The following PCDHGA7 variants were observed in gnomAD, a reference collection of about 807,000 sequenced individuals.
The protein encoded by PCDHGA7 is protocadherin gamma-A7.
A neutral mutation model predicts 58.3 loss-of-function variants in PCDHGA7; 44 were observed. The observed-to-expected ratio is 0.75, with a 90% CI of 0.59 to 0.97. PCDHGA7 has a LOEUF of 0.97. PCDHGA7 is among the 50% of genes least tolerant of loss of function. The probability of loss-of-function intolerance (pLI) is 0.00; values close to 1 mark genes in which losing one functional copy is unlikely to be tolerated. For synonymous variants in PCDHGA7, 516 were observed against 504.2 expected (o/e 1.02, Z -0.31); for missense variants, 1,266 against 1,188.7 (o/e 1.06, Z -0.96).
At chr5:141,429,196 A>ACACACT in intron 1 of PCDHGA7, 1 of 151,994 alleles carries the variant, frequency 6.6e-6, no homozygotes, top group Non-Finnish European at 1.5e-5. Context: ...ACACACACAC[A>ACACACT]CACACACACG....
At chr5:141,399,854 GC>G (rs1416380474) in intron 1 of PCDHGA7, 1 of 1,612,786 alleles carries the variant, frequency 6.2e-7, no homozygotes, top group Admixed American at 1.7e-5. Context: ...ATGGTGCCGC[GC>G]GCTGCAGAGC....
intron 1 of PCDHGA7, among the ~76,000 whole-genome samples, chr5:141,480,895 A>G (rs1275670492): frequency 6.6e-6 from 1 of 152,048 alleles, no homozygotes; most frequent in African/African-American, 2.4e-5. Flanking sequence ...AAATGCAAAC[A>G]TTAGCTGGGC....
chr5:141,469,992 G>T (rs894673835), intron 1 of PCDHGA7, among the ~76,000 whole-genome samples: 2 of 152,056 alleles, frequency 1.3e-5, no homozygotes, highest in Non-Finnish European at 2.9e-5. Context: ...TTAGCTGGTC[G>T]TCGTGGCACG....
intron 1 of PCDHGA7, chr5:141,399,794 C>T (rs2093888579): frequency 1.9e-6 from 3 of 1,613,268 alleles, no homozygotes; most frequent in Middle Eastern, 1.7e-4. Flanking sequence ...GACAACGCAC[C>T]GCGGGTGCTG....
At chr5:141,399,927 G>A (rs918358571) in intron 1 of PCDHGA7, 7 of 1,612,226 alleles carry the variant, frequency 4.3e-6, no homozygotes, top group Non-Finnish European at 5.1e-6. Flanking sequence ...ACGCCTGGCT[G>A]TCCTACCACG....
At chr5:141,498,881 T>C (rs9686648) in intron 2 of PCDHGA7, among the ~76,000 whole-genome samples, 77,838 of 149,554 alleles carry the variant, frequency 0.52, 20,828 homozygotes, top group African/African-American at 0.65. Flanking sequence ...TGCAGTGAGC[T>C]GAGATCACAC....
chr5:141,453,465 A>G (rs1167340749), intron 1 of PCDHGA7, among the ~76,000 whole-genome samples: 2 of 152,098 alleles, frequency 1.3e-5, no homozygotes, highest in African/African-American at 4.8e-5. Flanking sequence ...AAACATTAAC[A>G]TAAAGTCAAA....
rs761149166 is a variant in PCDHGA7 at position 141,510,977 on chromosome 5, G to C, written c.2603G>C (p.Gly868Ala). Residue 868 changes from glycine to alanine, a missense_variant, in exon 4 of 4, where the codon GGG (glycine) becomes GCG (alanine). Coordinates refer to ENST00000518325, the MANE Select transcript of PCDHGA7 (RefSeq NM_018920.4). Reference protein sequence around the residue: ...EAADGSSTLGGGAGTMGLSAR... With the variant: ...EAADGSSTLGAGAGTMGLSAR... ...GCTGATGGGAGCTCCACCCTGGGAG[G>C]GGGTGCCGGCACCATGGGATTGAGC... 9 of 1,614,052 alleles carry C rather than the reference G, an allele frequency of 5.6e-6. No individual in the cohort carries two copies. The Admixed American group carries it at 1.3e-4, about 24-fold the overall frequency.
intron 1 of PCDHGA7, chr5:141,409,837 C>T (rs182654621): frequency 2.2e-5 from 36 of 1,611,350 alleles, no homozygotes; most frequent in Non-Finnish European, 2.9e-5. Context: ...TCAGCGCCAA[C>T]GTGAGCCTGC....
intron 1 of PCDHGA7, chr5:141,478,287 G>A (rs777542913): frequency 3.7e-6 from 6 of 1,614,154 alleles, no homozygotes; most frequent in Non-Finnish European, 5.1e-6. Flanking sequence ...AAGCAGTCTA[G>A]AGACCTATAC....
chr5:141,408,329 A>G (rs2095085203), intron 1 of PCDHGA7: 1 of 1,613,698 alleles, frequency 6.2e-7, no homozygotes, highest in Admixed American at 1.7e-5. Context: ...GGAGCTGGCC[A>G]AGGGCTCGGT....
intron 3 of PCDHGA7, among the ~76,000 whole-genome samples, chr5:141,510,272 T>TA (rs546154379): frequency 0.17 from 22,022 of 130,294 alleles, 2,255 homozygotes; most frequent in African/African-American, 0.28. Flanking sequence ...GACTCCATCT[T>TA]AAAAAAAAAA....
intron 1 of PCDHGA7, among the ~76,000 whole-genome samples, chr5:141,451,829 C>T (rs564970982): frequency 1.2e-4 from 18 of 151,422 alleles, no homozygotes; most frequent in African/African-American, 4.1e-4. Flanking sequence ...TACAGTGAGC[C>T]GAGATCACAC....
rs1477077191 is a variant in PCDHGA7, at chr5:141,427,802, C to T, written c.2424+42479C>T. 7.3e-6 allele frequency: 11 copies of T among 1,510,148 alleles called. No individual in the cohort carries two copies. In the South Asian group the frequency reaches 9.0e-5, roughly 12 times the overall value. The allele number at this position is 1,510,148 out of a possible 1,614,324, so 93.5% of individuals were successfully genotyped here. A position where few individuals can be genotyped will look rare whatever the true frequency, so the allele number is the denominator to read the frequency against. On this transcript the variant is annotated intron_variant, in intron 1 of 3. Transcript: ENST00000518325. ...CACTGTCGTCCTACGTGTCCGTGAG[C>T]GCACAGAGCGGGGTGGTGGTCGCGC... is the stretch of plus-strand genomic sequence containing the variant.
chr5:141,415,107 A>C (rs372656276), intron 1 of PCDHGA7: 12 of 1,613,634 alleles, frequency 7.4e-6, no homozygotes, highest in East Asian at 2.2e-5. Context: ...CGCTCAAGCA[A>C]AGCCTCGTAG....
At position 141,512,091 on chromosome 5, in the gene PCDHGA7, A is replaced by C. The variant is rs1329025049; in HGVS notation, c.*918A>C. On this transcript the variant is annotated 3_prime_UTR_variant, in exon 4 of 4. Transcript: ENST00000518325. The stretch of plus-strand genomic sequence containing the variant: ...TCCAGATTCCAGCCATAAACCAATA[A>C]CTAGGCTGGACCCTTCCCACTACAT... 1 of 152,656 alleles carries C rather than the reference A, an allele frequency of 6.6e-6. No homozygotes were observed. The highest frequency in any genetic ancestry group is 2.4e-5 in the African/African-American group (1 of 41,456). 9.5% of individuals were successfully genotyped at this position (152,656 alleles called of 1,614,324 possible). A position where few individuals can be genotyped will look rare whatever the true frequency, so the allele number is the denominator to read the frequency against.
intron 1 of PCDHGA7, among the ~76,000 whole-genome samples, chr5:141,474,644 C>G (rs1016496399): frequency 4.6e-5 from 7 of 152,180 alleles, no homozygotes; most frequent in Non-Finnish European, 1.0e-4. Flanking sequence ...CCTATATATC[C>G]TTACTTCTTT....
intron 1 of PCDHGA7, among the ~76,000 whole-genome samples, chr5:141,425,402 A>C (rs1288785443): frequency 6.6e-6 from 1 of 152,222 alleles, no homozygotes; most frequent in Non-Finnish European, 1.5e-5. Flanking sequence ...AAGTTCTGTT[A>C]AGGTATAACA....
chr5:141,404,934 C>G, intron 1 of PCDHGA7: 1 of 1,613,986 alleles, frequency 6.2e-7, no homozygotes. Context: ...GTCACGCTCA[C>G]AGTAGCCATA....
Sources: gnomAD v4.1 joint callset for allele counts (sites outside exome capture counted in the v4.1 genomes callset) on GRCh38, gnomAD v4.1.1 for gene constraint, MANE v1.5 for transcripts, NCBI Gene and HGNC (gene_info 2026-07-23, HGNC 2026-07-21) for gene names.